Variants in GLIPR1L2 observed in about 807,000 individuals in gnomAD.
The protein encoded by GLIPR1L2 is GLIPR1-like protein 2.
In GLIPR1L2, 21 loss-of-function variants were observed where a neutral mutation model predicts 28.4. The ratio of observed to expected loss-of-function variants is 0.74; its 90% confidence interval spans 0.52 to 1.06. The LOEUF (loss-of-function observed/expected upper bound fraction) is 1.06, where lower values mean the gene tolerates loss of function less well. GLIPR1L2 is among the 50% of genes least tolerant of loss of function. GLIPR1L2 has a pLI of 0.00. For synonymous variants in GLIPR1L2, 145 were observed against 139.3 expected, an observed-to-expected ratio of 1.04 and a Z score of -0.29; for missense variants, 476 against 416.9, an observed-to-expected ratio of 1.14 and a Z score of -1.23.
chr12:75,424,329 C>T (rs907160307), intron 4 of GLIPR1L2, among the ~76,000 whole-genome samples: 6 of 152,194 alleles, frequency 3.9e-5, no homozygotes, highest in African/African-American at 1.4e-4. Flanking sequence ...TGATGATGAA[C>T]TTTTTTTCTT....
At chr12:75,395,375 A>G (rs944603503) in intron 1 of GLIPR1L2, among the ~76,000 whole-genome samples, 1 of 151,968 alleles carries the variant, frequency 6.6e-6, no homozygotes, top group Non-Finnish European at 1.5e-5. Context: ...TTTTTATATT[A>G]ATATTCCTAA....
intron 3 of GLIPR1L2, among the ~76,000 whole-genome samples, chr12:75,415,312 C>T (rs2045912981): frequency 6.6e-6 from 1 of 151,942 alleles, no homozygotes; most frequent in Admixed American, 6.6e-5. Context: ...AACACCTTAA[C>T]AAAAAGATTA....
chr12:75,413,606 G>T lies in GLIPR1L2; in HGVS notation c.489G>T (p.Trp163Cys), dbSNP rs149571330. 344 of 1,540,682 alleles carry T rather than the reference G, an allele frequency of 2.2e-4. No individual in the cohort carries two copies. Among genetic ancestry groups the T allele is most frequent in the Non-Finnish European group, 2.9e-4 (330 of 1,146,630 alleles). Reference protein sequence around the residue: ...GDCSNYIQLVWDHSYKVGCAV... With the variant: ...GDCSNYIQLVCDHSYKVGCAV... ...TGAAAATTTTATTTTAGCTTGTTTG[G>T]GACCACTCTTACAAAGTTGGTTGTG... The change falls in exon 3 of 6, where the codon TGG (tryptophan) becomes TGT (cysteine). Residue 163 changes from tryptophan (W) to cysteine (C), a missense_variant. Transcript: ENST00000550916.
intron 1 of GLIPR1L2, among the ~76,000 whole-genome samples, chr12:75,410,070 A>C (rs1463311316): frequency 6.6e-6 from 1 of 151,634 alleles, no homozygotes; most frequent in Non-Finnish European, 1.5e-5. Context: ...ACCTCTTAAT[A>C]TTTTAGATTG....
intron 1 of GLIPR1L2, chr12:75,391,610 G>A: frequency 9.0e-7 from 1 of 1,117,104 alleles, no homozygotes; most frequent in Non-Finnish European, 1.3e-6. Context: ...TTAAGGGGGC[G>A]CCAATTCAAG....
At chr12:75,417,231 A>G (rs1909968) in intron 3 of GLIPR1L2, among the ~76,000 whole-genome samples, 52,942 of 151,864 alleles carry the variant, frequency 0.35, 9,601 homozygotes, top group East Asian at 0.46. Context: ...GATGGAGAGG[A>G]GGATTCAGCA....
chr12:75,410,368 GA>G, intron 1 of GLIPR1L2, 65 bp from the exon 2 acceptor site: 2 of 1,392,616 alleles, frequency 1.4e-6, no homozygotes, highest in South Asian at 1.6e-5. Flanking sequence ...GATAACTCAA[GA>G]AAAAATATTT....
intron 1 of GLIPR1L2, chr12:75,403,246 T>C: frequency 2.6e-6 from 1 of 386,144 alleles, no homozygotes; most frequent in Non-Finnish European, 5.1e-6. Context: ...TCTCTGAAGC[T>C]GGATTACAGT....
At chr12:75,413,947 A>G (rs1052655113) in intron 3 of GLIPR1L2, among the ~76,000 whole-genome samples, 1 of 152,118 alleles carries the variant, frequency 6.6e-6, no homozygotes, top group Non-Finnish European at 1.5e-5. Flanking sequence ...ACAATATTTC[A>G]CTTAATTAGC....
At chr12:75,393,856 C>T (rs939933049) in intron 1 of GLIPR1L2, among the ~76,000 whole-genome samples, 4 of 152,064 alleles carry the variant, frequency 2.6e-5, no homozygotes, top group African/African-American at 4.8e-5. Context: ...TACATTCCCA[C>T]CAAGAATGTT....
intron 2 of GLIPR1L2, 112 bp downstream of exon 2, chr12:75,410,791 A>G (rs538762994): frequency 1.3e-6 from 1 of 789,706 alleles, no homozygotes; most frequent in East Asian, 2.8e-5. Context: ...TATCACATTT[A>G]ATAAGATCAC....
intron 1 of GLIPR1L2, among the ~76,000 whole-genome samples, chr12:75,405,120 A>G (rs1039447311): frequency 6.6e-6 from 1 of 152,216 alleles, no homozygotes; most frequent in African/African-American, 2.4e-5. Flanking sequence ...CAACGGCACT[A>G]ATGTATACAA....
chr12:75,425,806 TAA>T (rs2046028523), intron 4 of GLIPR1L2, among the ~76,000 whole-genome samples: 1 of 151,818 alleles, frequency 6.6e-6, no homozygotes, highest in South Asian at 2.1e-4. Flanking sequence ...AAAAATAAAT[TAA>T]AAGTATAATG....
rs532351726 is a variant in GLIPR1L2 at position 75,395,567 on chromosome 12, A to G, written c.234+4217A>G. Among the ~76,000 whole-genome samples, 89 of 150,676 alleles carry G rather than the reference A, an allele frequency of 5.9e-4. 1 individual carries two copies. Among genetic ancestry groups the G allele is most frequent in the African/African-American group, 2.1e-3 (86 of 41,090 alleles). On this transcript the variant is annotated intron_variant, in intron 1 of 5. Coordinates refer to ENST00000550916, the MANE Select transcript of GLIPR1L2 (RefSeq NM_001270396.2). ...GAACTCCTATTAGAATTCACCAATG[A>G]CTCCATCTGGTTCTGGGCTTTTCTT...
chr12:75,430,626 A>T, intron 4 of GLIPR1L2, 89 bp from the exon 5 acceptor site: 1 of 1,219,956 alleles, frequency 8.2e-7, no homozygotes, highest in Non-Finnish European at 1.1e-6. Flanking sequence ...GAACTAGGAG[A>T]AAGTGACACT....
At chr12:75,418,642 G>A (rs544777381) in intron 3 of GLIPR1L2, among the ~76,000 whole-genome samples, 4 of 152,118 alleles carry the variant, frequency 2.6e-5, no homozygotes, top group Non-Finnish European at 4.4e-5. Context: ...TTTTTGCTTA[G>A]GATTGTCTTG....
chr12:75,408,084 T>C (rs2045822421), intron 1 of GLIPR1L2, among the ~76,000 whole-genome samples: 1 of 152,036 alleles, frequency 6.6e-6, no homozygotes, highest in Non-Finnish European at 1.5e-5. Flanking sequence ...TGGATTCAGC[T>C]TTTCTAGCTA....
chr12:75,422,182 C>T (rs751122505), intron 3 of GLIPR1L2, among the ~76,000 whole-genome samples: 11 of 150,590 alleles, frequency 7.3e-5, no homozygotes, highest in Non-Finnish European at 1.5e-4. Flanking sequence ...TTTGAAGAGA[C>T]GAGGTCTTGC....
At chr12:75,401,800 A>G (rs1005273322) in intron 1 of GLIPR1L2, among the ~76,000 whole-genome samples, 1 of 152,100 alleles carries the variant, frequency 6.6e-6, no homozygotes, top group Non-Finnish European at 1.5e-5. Context: ...TCCCCAAAAT[A>G]TGGGCACAAT....
Sources: gnomAD v4.1 joint callset for allele counts (sites outside exome capture counted in the v4.1 genomes callset) on GRCh38, gnomAD v4.1.1 for gene constraint, MANE v1.5 for transcripts, NCBI Gene and HGNC (gene_info 2026-07-23, HGNC 2026-07-21) for gene names.